POLD1: variants seen among roughly 807,000 people sequenced by gnomAD.
The protein encoded by POLD1 is DNA polymerase delta catalytic subunit.
In POLD1, 79 loss-of-function variants were observed where a neutral mutation model predicts 129.7. The observed-to-expected ratio is 0.61, with a 90% CI of 0.51 to 0.73. POLD1 has a LOEUF of 0.73. Among genes scored for constraint, POLD1 ranks in the 30% least tolerant of loss-of-function variants. The probability of loss-of-function intolerance (pLI) is 0.00; values close to 1 mark genes in which losing one functional copy is unlikely to be tolerated. For synonymous variants in POLD1, 714 were observed against 683.3 expected (o/e 1.04, Z -0.70); for missense variants, 1,338 against 1,595.8 (o/e 0.84, Z 2.75).
chr19:50,415,089 C>T lies in POLD1; in HGVS notation c.2564+99C>T, dbSNP rs1355415216. ...GGCCCCAGCCCCTCCTCCCTCAGAC[C>T]CACGGGTCCAGGCCCCCAGCCCCCT... On this transcript the variant is annotated intron_variant, in intron 20 of 26. Transcript: ENST00000440232. 10 of 1,177,564 alleles carry T rather than the reference C, an allele frequency of 8.5e-6. No homozygotes were observed. In the Admixed American group the frequency reaches 9.2e-5, roughly 11 times the overall value. The allele number at this position is 1,177,564 out of a possible 1,614,324, so 72.9% of individuals were successfully genotyped here.
At chr19:50,401,670 G>T (rs2038635269) in intron 3 of POLD1, 108 bp from the exon 4 acceptor site, 9 of 1,222,120 alleles carry the variant, frequency 7.4e-6, no homozygotes, top group Non-Finnish European at 9.5e-6. Context: ...AACGGTACAG[G>T]GGCAGGAGTG....
intron 1 of POLD1, among the ~76,000 whole-genome samples, chr19:50,391,199 C>T (rs531428946): frequency 6.6e-6 from 1 of 151,674 alleles, no homozygotes; most frequent in South Asian, 2.1e-4. Flanking sequence ...CAGAGACGCT[C>T]CTCACTTCCT....
chr19:50,408,249 C>T (rs992889474), intron 14 of POLD1, among the ~76,000 whole-genome samples: 39 of 147,634 alleles, frequency 2.6e-4, no homozygotes, highest in Admixed American at 1.3e-3. Context: ...GCAGAAGAAT[C>T]GCTTGAACCC....
At chr19:50,399,550 C>T in intron 3 of POLD1, 66 bp downstream of exon 3, 1 of 1,235,912 alleles carries the variant, frequency 8.1e-7, no homozygotes, top group Middle Eastern at 2.1e-4. Context: ...CGGGCCAGGT[C>T]AGCCCCTCTG....
rs759038040 is a variant in POLD1, at chr19:50,408,908, T to A, written c.1892+7T>A. On this transcript the variant is annotated splice_region_variant and intron_variant, in intron 15 of 26. Coordinates refer to ENST00000440232, the MANE Select transcript of POLD1 (RefSeq NM_002691.4). ...GGACTGCACAGAAACTGGGGTATAG[T>A]GCCCAATTCAGCATGTGTCCCCCGA... The A allele has an allele frequency of 6.9e-6, 11 of 1,605,330 alleles. No homozygotes were observed. The highest frequency in any genetic ancestry group is 1.3e-5 in the African/African-American group (1 of 74,740).
intron 1 of POLD1, among the ~76,000 whole-genome samples, chr19:50,387,976 G>A (rs974326492): frequency 1.3e-5 from 2 of 152,184 alleles, no homozygotes; most frequent in Admixed American, 6.5e-5. Context: ...TAGCCATACA[G>A]CGGAAAAGTA....
chr19:50,404,505 G>A (rs146073752), intron 10 of POLD1, among the ~76,000 whole-genome samples: 1,637 of 147,896 alleles, frequency 0.011, 151 homozygotes, highest in African/African-American at 0.04. Context: ...CTTGTGATCC[G>A]TCTGCCTCGG....
chr19:50,389,690 C>A (rs1314713179), intron 1 of POLD1, among the ~76,000 whole-genome samples: 2 of 150,706 alleles, frequency 1.3e-5, no homozygotes, highest in Non-Finnish European at 3.0e-5. Flanking sequence ...GGGTTCAAGC[C>A]ATTCTCTTGC....
At chr19:50,411,788 C>T (rs3219418) in intron 17 of POLD1, among the ~76,000 whole-genome samples, 10,781 of 151,160 alleles carry the variant, frequency 0.071, 1,242 homozygotes, top group African/African-American at 0.24. Flanking sequence ...TGCAGTGAGC[C>T]GAGATTGCGC....
rs1325235103 is a variant in POLD1, at chr19:50,406,809, G to T, written c.1495-174G>T. The stretch of plus-strand genomic sequence containing the variant: ...TCCCTCTGGCCCTGTGGACTCCCTG[G>T]CCCCCAACCCTACCTCCATCCCCAC... On this transcript the variant is annotated intron_variant, in intron 12 of 26. Coordinates refer to ENST00000440232, the MANE Select transcript of POLD1 (RefSeq NM_002691.4). This position sits in a 1 kb window ranked among gnomAD's most constrained non-coding sequence, Gnocchi z 5.5. Among the ~76,000 whole-genome samples, 2 of 151,830 alleles carry T rather than the reference G, an allele frequency of 1.3e-5. No individual in the cohort carries two copies. The highest frequency in any genetic ancestry group is 1.3e-4 in the Admixed American group (2 of 15,232).
At chr19:50,384,821 T>C (rs893898574) in intron 1 of POLD1, among the ~76,000 whole-genome samples, 1 of 152,200 alleles carries the variant, frequency 6.6e-6, no homozygotes, top group Admixed American at 6.5e-5. Flanking sequence ...AGTAAAGCAG[T>C]GCTCTGGGGC....
chr19:50,384,665 G>C (rs957213833), intron 1 of POLD1, among the ~76,000 whole-genome samples: 2 of 152,162 alleles, frequency 1.3e-5, no homozygotes, highest in African/African-American at 4.8e-5. Flanking sequence ...GGGACTGGGT[G>C]GTGCACGTGC....
At chr19:50,398,566 A>G in intron 1 of POLD1, among the ~76,000 whole-genome samples, 1 of 76,054 alleles carries the variant, frequency 1.3e-5, no homozygotes, top group African/African-American at 6.1e-5. Context: ...GCACAATTCC[A>G]TCTCAAAAAA....
intron 1 of POLD1, among the ~76,000 whole-genome samples, chr19:50,393,048 C>CT (rs2038226356): frequency 6.6e-6 from 1 of 152,194 alleles, no homozygotes; most frequent in South Asian, 2.1e-4. Context: ...TCAAACGATG[C>CT]TTCCGGAAAT....
chr19:50,385,683 A>G (rs796666694), intron 1 of POLD1, among the ~76,000 whole-genome samples: 39 of 152,016 alleles, frequency 2.6e-4, no homozygotes, highest in African/African-American at 8.7e-4. Context: ...ACCCACTGCC[A>G]TGCCCAGCTC....
At chr19:50,394,373 CGGGCGCG>C (rs1426888576) in intron 1 of POLD1, among the ~76,000 whole-genome samples, 4 of 152,086 alleles carry the variant, frequency 2.6e-5, no homozygotes, top group African/African-American at 9.7e-5. Flanking sequence ...AAAGCAAAGC[CGGGCGCG>C]GTGGCTCACA....
intron 22 of POLD1, 112 bp downstream of exon 22, chr19:50,415,938 T>G (rs2039271317): frequency 1.3e-6 from 1 of 781,786 alleles, no homozygotes; most frequent in East Asian, 2.7e-5. Context: ...TGTGGGGCCC[T>G]GAGAACCGCC....
At chr19:50,414,719 G>A (rs2039210256) in intron 19 of POLD1, 96 bp from the exon 20 acceptor site, 5 of 1,037,116 alleles carry the variant, frequency 4.8e-6, no homozygotes, top group Admixed American at 2.7e-5. Flanking sequence ...CTCAAACTGC[G>A]TCTGGGACCC....
chr19:50,392,119 G>A (rs984393356), intron 1 of POLD1, among the ~76,000 whole-genome samples: 1 of 152,032 alleles, frequency 6.6e-6, no homozygotes, highest in Admixed American at 6.5e-5. Flanking sequence ...TGCCCAGACT[G>A]TATTGCAGTG....
Sources: allele counts gnomAD v4.1 joint callset (sites outside exome capture counted in the v4.1 genomes callset), GRCh38; gene constraint gnomAD v4.1.1; non-coding constraint Gnocchi (gnomAD v3.1); transcripts MANE v1.5; gene names NCBI Gene and HGNC (gene_info 2026-07-23, HGNC 2026-07-21).